Variants in SP140L observed in about 807,000 individuals in gnomAD.
SP140L encodes nuclear body protein SP140-like protein.
SP140L carries 64 observed loss-of-function variants against 84.3 expected under a neutral mutation model. The ratio of observed to expected loss-of-function variants is 0.76; its 90% CI spans 0.62 to 0.94. The LOEUF (loss-of-function observed/expected upper bound fraction) is 0.94, where lower values mean the gene tolerates loss of function less well. Among genes scored for constraint, SP140L ranks in the 40% least tolerant of loss-of-function variants. The pLI is 0.00. For synonymous variants in SP140L, 242 were observed against 236.9 expected (o/e 1.02, Z -0.20); for missense variants, 628 against 692.5 (o/e 0.91, Z 1.05).
intron 11 of SP140L, among the ~76,000 whole-genome samples, chr2:230,390,463 T>C (rs2061755498): frequency 6.6e-6 from 1 of 152,194 alleles, no homozygotes; most frequent in Non-Finnish European, 1.5e-5. Context: ...GGAATGACTG[T>C]TCCATTCTGA....
At chr2:230,399,188 CTA>C (rs2062197383) in intron 14 of SP140L, among the ~76,000 whole-genome samples, 1 of 152,212 alleles carries the variant, frequency 6.6e-6, no homozygotes, top group Admixed American at 6.5e-5. Flanking sequence ...GTATTGGTCT[CTA>C]TATTTGCTCT....
intron 13 of SP140L, among the ~76,000 whole-genome samples, 174 bp from the exon 14 acceptor site, chr2:230,396,583 A>T (rs142869307): frequency 1.3e-5 from 2 of 152,216 alleles, no homozygotes; most frequent in East Asian, 3.8e-4. Context: ...GTTTGCTTAC[A>T]TAGGAAATTA....
At chr2:230,390,743 A>T (rs754990190) in intron 11 of SP140L, among the ~76,000 whole-genome samples, 1 of 152,102 alleles carries the variant, frequency 6.6e-6, no homozygotes, top group Non-Finnish European at 1.5e-5. Flanking sequence ...TTCATGTATC[A>T]TGTAACTCAC....
intron 2 of SP140L, among the ~76,000 whole-genome samples, chr2:230,330,310 G>C (rs1028259262): frequency 2.0e-5 from 3 of 152,090 alleles, no homozygotes; most frequent in Non-Finnish European, 4.4e-5. Flanking sequence ...GAACCAGGTG[G>C]CCATAGAGGC....
At chr2:230,343,415 G>T (rs1251557196) in intron 2 of SP140L, among the ~76,000 whole-genome samples, 1 of 147,776 alleles carries the variant, frequency 6.8e-6, no homozygotes, top group Admixed American at 6.8e-5. Flanking sequence ...ACATGATCTT[G>T]TTCCTATTTA....
At chr2:230,360,969 A>G (rs2060696597) in intron 4 of SP140L, among the ~76,000 whole-genome samples, 2 of 152,142 alleles carry the variant, frequency 1.3e-5, no homozygotes, top group South Asian at 4.1e-4. Context: ...TTTTGGAGAT[A>G]GGGTCTCACT....
chr2:230,366,899 A>G (rs1273137266), intron 5 of SP140L, among the ~76,000 whole-genome samples: 2 of 151,734 alleles, frequency 1.3e-5, no homozygotes, highest in African/African-American at 2.4e-5. Context: ...AGCCTGGCTA[A>G]TTTTTTGTAT....
intron 3 of SP140L, 50 bp downstream of exon 3, chr2:230,358,017 A>G (rs1458646016): frequency 6.3e-7 from 1 of 1,598,752 alleles, no homozygotes; most frequent in East Asian, 2.2e-5. Flanking sequence ...CATATTTTAC[A>G]AGTATTTCTG....
At chr2:230,361,492 G>A (rs1003409142) in intron 4 of SP140L, 122 bp from the exon 5 acceptor site, 3 of 601,692 alleles carry the variant, frequency 5.0e-6, no homozygotes, top group Middle Eastern at 4.5e-4. Flanking sequence ...AAGATGATAG[G>A]AGAAGTTTAA....
chr2:230,344,397 A>G (rs1285715622), intron 2 of SP140L, among the ~76,000 whole-genome samples: 1 of 152,140 alleles, frequency 6.6e-6, no homozygotes, highest in East Asian at 1.9e-4. Flanking sequence ...CTTGGTTTTG[A>G]GCCTATGTGT....
chr2:230,347,118 C>A (rs2060231180), intron 2 of SP140L, among the ~76,000 whole-genome samples: 2 of 152,154 alleles, frequency 1.3e-5, no homozygotes, highest in Admixed American at 1.3e-4. Context: ...CTTTTGAGAT[C>A]TCTAGTTGTG....
intron 2 of SP140L, among the ~76,000 whole-genome samples, chr2:230,356,116 A>T (rs1194060310): frequency 6.6e-6 from 1 of 152,238 alleles, no homozygotes; most frequent in Non-Finnish European, 1.5e-5. Flanking sequence ...AACTAAAATT[A>T]GCTATCACAT....
chr2:230,355,254 C>T (rs547805958), intron 2 of SP140L, among the ~76,000 whole-genome samples: 1 of 152,216 alleles, frequency 6.6e-6, no homozygotes, highest in East Asian at 1.9e-4. Flanking sequence ...ATGAATTTAG[C>T]AATGCCATAA....
At chr2:230,333,618 A>G (rs992544826) in intron 2 of SP140L, among the ~76,000 whole-genome samples, 1 of 151,898 alleles carries the variant, frequency 6.6e-6, no homozygotes, top group Non-Finnish European at 1.5e-5. Context: ...ATGGAGACCA[A>G]TTTATTTCAA....
chr2:230,358,883 G>T, intron 3 of SP140L, 81 bp from the exon 4 acceptor site: 2 of 1,163,832 alleles, frequency 1.7e-6, no homozygotes, highest in East Asian at 2.5e-5. Context: ...TTGAAATTCA[G>T]TAACCATAAA....
At chr2:230,332,639 G>C (rs548653637) in intron 2 of SP140L, among the ~76,000 whole-genome samples, 1 of 152,262 alleles carries the variant, frequency 6.6e-6, no homozygotes, top group Admixed American at 6.5e-5. Flanking sequence ...TTCCTTTCCT[G>C]TGCAACATCT....
intron 18 of SP140L, 109 bp from the exon 19 acceptor site, chr2:230,402,689 T>C: frequency 1.2e-6 from 1 of 828,218 alleles, no homozygotes; most frequent in Non-Finnish European, 1.9e-6. Context: ...ATTGTCAACT[T>C]ACAGTTTTTA....
chr2:230,361,223 A>G (rs1252685907), intron 4 of SP140L, among the ~76,000 whole-genome samples: 1 of 152,136 alleles, frequency 6.6e-6, no homozygotes, highest in Non-Finnish European at 1.5e-5. Context: ...CAGTTCTACG[A>G]TTACAAGCAT....
chr2:230,384,851 G>A (rs2061521558), intron 8 of SP140L, among the ~76,000 whole-genome samples: 1 of 152,164 alleles, frequency 6.6e-6, no homozygotes, highest in Non-Finnish European at 1.5e-5. Context: ...GGCAGAGGTT[G>A]CAGCAAGTCA....
Sources: gnomAD v4.1 joint callset for allele counts (sites outside exome capture counted in the v4.1 genomes callset) on GRCh38, gnomAD v4.1.1 for gene constraint, MANE v1.5 for transcripts, NCBI Gene and HGNC (gene_info 2026-07-23, HGNC 2026-07-21) for gene names.